DCDC2: variants seen among roughly 807,000 people sequenced by gnomAD.
The protein encoded by DCDC2 is doublecortin domain-containing protein 2.
Under a neutral mutation model 50.2 loss-of-function variants are expected in DCDC2, and 40 were observed. That is an observed-to-expected ratio of 0.80 (90% CI 0.62 to 1.04). The LOEUF (loss-of-function observed/expected upper bound fraction) is 1.04. DCDC2 is among the 50% of genes least tolerant of loss of function. The probability of loss-of-function intolerance (pLI) is 0.00; values close to 1 mark genes in which losing one functional copy is unlikely to be tolerated. For synonymous variants in DCDC2, 234 were observed against 210.6 expected (o/e 1.11, Z -0.96); for missense variants, 570 against 581.9 (o/e 0.98, Z 0.21).
chr6:24,183,620 T>C (rs1761130541), intron 8 of DCDC2, among the ~76,000 whole-genome samples: 1 of 152,056 alleles, frequency 6.6e-6, no homozygotes, highest in Admixed American at 6.5e-5. Context: ...CAGAATAACA[T>C]ACATGGTCAT....
chr6:24,378,395 C>T, the DCDC2 span, among the ~76,000 whole-genome samples: 1 of 152,114 alleles, frequency 6.6e-6, no homozygotes, highest in Non-Finnish European at 1.5e-5. Context: ...TCCCTCCCCA[C>T]CACTCTCCCT....
intron 7 of DCDC2, among the ~76,000 whole-genome samples, chr6:24,247,703 G>C (rs1762709852): frequency 6.6e-6 from 1 of 152,208 alleles, no homozygotes; most frequent in African/African-American, 2.4e-5. Context: ...GAGCAGTTTG[G>C]AATATGGGTA....
intron 2 of DCDC2, among the ~76,000 whole-genome samples, chr6:24,340,252 C>A (rs1448841064): frequency 6.6e-6 from 1 of 152,090 alleles, no homozygotes; most frequent in Non-Finnish European, 1.5e-5. Flanking sequence ...TTCCAGGAAG[C>A]TTCTGAGGAT....
intron 7 of DCDC2, among the ~76,000 whole-genome samples, chr6:24,247,049 G>C (rs1470441493): frequency 2.0e-5 from 3 of 152,118 alleles, no homozygotes; most frequent in Non-Finnish European, 4.4e-5. Flanking sequence ...CTAAGACTCA[G>C]GCTGGTCTTA....
chr6:24,304,676 A>G (rs752249971), intron 2 of DCDC2, among the ~76,000 whole-genome samples: 2 of 152,220 alleles, frequency 1.3e-5, no homozygotes, highest in Non-Finnish European at 2.9e-5. Flanking sequence ...TCTTATGTAC[A>G]TAGCACATAC....
At chr6:24,342,199 C>T (rs1270893968) in intron 2 of DCDC2, among the ~76,000 whole-genome samples, 1 of 152,126 alleles carries the variant, frequency 6.6e-6, no homozygotes, top group African/African-American at 2.4e-5. Context: ...TTGCTATGTC[C>T]GTCCAGGGTG....
At chr6:24,348,322 A>G (rs1443856846) in intron 2 of DCDC2, among the ~76,000 whole-genome samples, 1 of 152,206 alleles carries the variant, frequency 6.6e-6, no homozygotes, top group Non-Finnish European at 1.5e-5. Context: ...GTTGTATGAG[A>G]TAAGAGAAGT....
chr6:24,313,593 G>C (rs1349680466), intron 2 of DCDC2, among the ~76,000 whole-genome samples: 2 of 152,208 alleles, frequency 1.3e-5, no homozygotes, highest in Non-Finnish European at 2.9e-5. Context: ...AACAATGCAA[G>C]ATAAAAGTGA....
intron 7 of DCDC2, among the ~76,000 whole-genome samples, chr6:24,218,929 C>T (rs1449812849): frequency 6.6e-6 from 1 of 152,202 alleles, no homozygotes; most frequent in Non-Finnish European, 1.5e-5. Context: ...TTAAGTTCAA[C>T]AGATGGTATC....
intron 2 of DCDC2, among the ~76,000 whole-genome samples, chr6:24,335,036 A>G (rs1369043698): frequency 6.6e-6 from 1 of 152,214 alleles, no homozygotes; most frequent in Non-Finnish European, 1.5e-5. Flanking sequence ...AAAGACTTGT[A>G]CAACCCTCTA....
intron 8 of DCDC2, among the ~76,000 whole-genome samples, chr6:24,203,453 A>T (rs1761632599): frequency 6.6e-6 from 1 of 152,192 alleles, no homozygotes. Context: ...CTGGAACTGG[A>T]CCCCTTTCTT....
chr6:24,328,819 G>C (rs1443612753), intron 2 of DCDC2, among the ~76,000 whole-genome samples: 1 of 152,244 alleles, frequency 6.6e-6, no homozygotes, highest in African/African-American at 2.4e-5. Context: ...ACAGTTATTT[G>C]TACGCATATC....
chr6:24,341,006 G>C (rs749719052), intron 2 of DCDC2, among the ~76,000 whole-genome samples: 1 of 152,212 alleles, frequency 6.6e-6, no homozygotes, highest in Non-Finnish European at 1.5e-5. Flanking sequence ...GATGACAGGC[G>C]TGAGCCATGG....
intron 7 of DCDC2, among the ~76,000 whole-genome samples, chr6:24,241,776 T>C (rs895165165): frequency 6.6e-6 from 1 of 152,248 alleles, no homozygotes; most frequent in Non-Finnish European, 1.5e-5. Flanking sequence ...TGTCTTTCCA[T>C]ATTTTAATTG....
chr6:24,289,344 T>C (rs564309646), intron 5 of DCDC2, among the ~76,000 whole-genome samples: 67 of 152,330 alleles, frequency 4.4e-4, no homozygotes, highest in African/African-American at 1.6e-3. Flanking sequence ...GCATTTGCAT[T>C]CAGGTAGTTT....
intron 2 of DCDC2, among the ~76,000 whole-genome samples, chr6:24,341,344 A>G (rs1760150902): frequency 6.6e-6 from 1 of 152,200 alleles, no homozygotes; most frequent in South Asian, 2.1e-4. Flanking sequence ...CCAAACATCC[A>G]AACTATGTAA....
At chr6:24,180,536 C>CCT (rs1197110174) in intron 8 of DCDC2, among the ~76,000 whole-genome samples, 1 of 152,102 alleles carries the variant, frequency 6.6e-6, no homozygotes, top group Non-Finnish European at 1.5e-5. Flanking sequence ...GATCCACCTG[C>CCT]CTCAGCCTCC....
intron 7 of DCDC2, among the ~76,000 whole-genome samples, chr6:24,216,372 A>T (rs1159038886): frequency 6.6e-6 from 1 of 152,184 alleles, no homozygotes; most frequent in South Asian, 2.1e-4. Flanking sequence ...GGGAAAGTGG[A>T]AGTCAACACC....
chr6:24,296,239 T>G (rs1487485750), intron 4 of DCDC2, among the ~76,000 whole-genome samples: 6 of 152,206 alleles, frequency 3.9e-5, no homozygotes, highest in Non-Finnish European at 5.9e-5. Context: ...GGAGTCCCTA[T>G]TCAATAAATG....
Sources: allele counts gnomAD v4.1 joint callset (sites outside exome capture counted in the v4.1 genomes callset), GRCh38; gene constraint gnomAD v4.1.1; transcripts MANE v1.5; gene names NCBI Gene and HGNC (gene_info 2026-07-23, HGNC 2026-07-21).